CDH18: variants seen among roughly 807,000 people sequenced by gnomAD.
CDH18 encodes cadherin-18.
A neutral mutation model predicts 67.9 loss-of-function variants in CDH18; 31 were observed. The ratio of observed to expected loss-of-function variants is 0.46; its 90% CI spans 0.34 to 0.62. CDH18 has a LOEUF of 0.62. Ranked by LOEUF, CDH18 falls within the 20% of genes least tolerant of loss-of-function variation. The pLI, the probability that CDH18 is intolerant of heterozygous loss-of-function variation, is 0.01. For synonymous variants in CDH18, 362 were observed against 347.2 expected, an observed-to-expected ratio of 1.04 and a Z score of -0.48; for missense variants, 890 against 975.5, an observed-to-expected ratio of 0.91 and a Z score of 1.17.
At chr5:19,760,088 G>A (rs2387974) in intron 3 of CDH18, among the ~76,000 whole-genome samples, 102,736 of 151,976 alleles carry the variant, frequency 0.68, 40,206 homozygotes, top group South Asian at 0.87. Context: ...GCCACTTTGC[G>A]TCTGCTGTCC....
At chr5:20,334,433 G>A (rs1233914690) in intron 1 of CDH18, among the ~76,000 whole-genome samples, 4 of 151,838 alleles carry the variant, frequency 2.6e-5, no homozygotes, top group Non-Finnish European at 5.9e-5. Flanking sequence ...CACCGCGCCC[G>A]GCCTGACTTG....
rs1737808906 is a variant in CDH18, at chr5:19,473,100, C to T, written c.*126G>A. On this transcript the variant is annotated 3_prime_UTR_variant, in exon 13 of 13. Transcript: ENST00000382275. ...TCGATCATGAAAAGGGCACTTGTTT[C>T]TACAGGAGCTGTGTCCAGCTTCCTC... The T allele has an allele frequency of 2.8e-6, 3 of 1,061,526 alleles. No individual in the cohort carries two copies. The highest frequency in any genetic ancestry group is 4.0e-6 in the Non-Finnish European group (3 of 747,170). 65.8% of individuals were successfully genotyped at this position (1,061,526 alleles called of 1,614,324 possible).
At chr5:19,978,315 C>T (rs1798701717) in intron 2 of CDH18, among the ~76,000 whole-genome samples, 1 of 151,946 alleles carries the variant, frequency 6.6e-6, no homozygotes, top group South Asian at 2.1e-4. Flanking sequence ...GGAAACTAAC[C>T]TTTGGGTTTC....
chr5:19,856,459 T>C (rs1334496449), intron 2 of CDH18, among the ~76,000 whole-genome samples: 1 of 152,214 alleles, frequency 6.6e-6, no homozygotes, highest in East Asian at 1.9e-4. Flanking sequence ...ATTACACATC[T>C]TTCCAATATT....
intron 1 of CDH18, among the ~76,000 whole-genome samples, chr5:20,396,450 G>A (rs1425537617): frequency 1.3e-5 from 2 of 149,818 alleles, no homozygotes; most frequent in Non-Finnish European, 3.0e-5. Flanking sequence ...TTATTTCCTA[G>A]TAAAGGTCTT....
intron 2 of CDH18, among the ~76,000 whole-genome samples, chr5:20,249,329 C>T (rs1411320009): frequency 3.3e-5 from 5 of 150,842 alleles, no homozygotes; most frequent in African/African-American, 1.2e-4. Context: ...TAATTGCCTA[C>T]TAAACTTGGG....
At chr5:20,319,646 AGT>A (rs1489327653) in intron 1 of CDH18, among the ~76,000 whole-genome samples, 1 of 152,202 alleles carries the variant, frequency 6.6e-6, no homozygotes, top group Non-Finnish European at 1.5e-5. Context: ...GGCAGACAAG[AGT>A]GTCGAATTAA....
chr5:20,184,146 C>T (rs1166696056), intron 2 of CDH18, among the ~76,000 whole-genome samples: 1 of 151,948 alleles, frequency 6.6e-6, no homozygotes, highest in Non-Finnish European at 1.5e-5. Flanking sequence ...AATCTAGTGA[C>T]ATAAATCTTC....
chr5:19,694,303 G>C (rs1762267909), intron 5 of CDH18, among the ~76,000 whole-genome samples: 1 of 152,002 alleles, frequency 6.6e-6, no homozygotes, highest in Admixed American at 6.6e-5. Context: ...ATAGATAAAA[G>C]AGCCAATCTA....
intron 5 of CDH18, among the ~76,000 whole-genome samples, chr5:19,635,676 T>C (rs1280554648): frequency 6.6e-6 from 1 of 152,318 alleles, no homozygotes; most frequent in East Asian, 1.9e-4. Context: ...GCAGACTATA[T>C]GTTATTTCTC....
At position 20,506,213 on chromosome 5, in the gene CDH18, A is replaced by G. The variant is rs141103136; in HGVS notation, c.-580+69249T>C. ...CTCATGATCCCTGCCGCCTCTTCGTACCCTTGTATGAAGCCCTCAGGCAAC... is the reference window on the plus strand; with the variant it reads ...CTCATGATCCCTGCCGCCTCTTCGTGCCCTTGTATGAAGCCCTCAGGCAAC... On this transcript the variant is annotated intron_variant, in intron 1 of 14. Transcript: ENST00000507958. Among the ~76,000 whole-genome samples, 282 of 152,224 alleles carry G rather than the reference A, an allele frequency of 1.9e-3. 2 individuals carry two copies. The highest frequency in any genetic ancestry group is 6.5e-3 in the African/African-American group (272 of 41,540).
intron 11 of CDH18, among the ~76,000 whole-genome samples, chr5:19,496,235 T>G (rs1229588589): frequency 6.6e-6 from 1 of 152,178 alleles, no homozygotes; most frequent in South Asian, 2.1e-4. Context: ...AAACTGAAAC[T>G]AAACAAAACT....
At chr5:19,969,071 C>G (rs1300829965) in intron 2 of CDH18, among the ~76,000 whole-genome samples, 1 of 140,736 alleles carries the variant, frequency 7.1e-6, no homozygotes, top group Non-Finnish European at 1.5e-5. Flanking sequence ...GACATTTATG[C>G]AGCCAAAATA....
chr5:19,554,008 C>T lies in CDH18; in HGVS notation c.1254-10003G>A, dbSNP rs117887407. Among the ~76,000 whole-genome samples, 52 of 152,140 alleles carry T rather than the reference C, an allele frequency of 3.4e-4. 1 individual carries two copies. In the East Asian group the frequency reaches 9.9e-3, roughly 29 times the overall value. On this transcript the variant is annotated intron_variant, in intron 8 of 12. Transcript: ENST00000382275. The stretch of plus-strand genomic sequence containing the variant: ...TAGATTCACTTTACGAATTATGATT[C>T]CCTTTGTTAACATTGGGAATGCAAT...
At chr5:20,454,022 T>A (rs554682492) in intron 1 of CDH18, among the ~76,000 whole-genome samples, 2 of 152,258 alleles carry the variant, frequency 1.3e-5, no homozygotes, top group Non-Finnish European at 1.5e-5. Flanking sequence ...TGAAGAGGAA[T>A]AAATAGAATA....
intron 1 of CDH18, among the ~76,000 whole-genome samples, chr5:20,331,149 CTA>C (rs1739133449): frequency 6.6e-6 from 1 of 152,176 alleles, no homozygotes; most frequent in Non-Finnish European, 1.5e-5. Context: ...AATGATAGAT[CTA>C]TGTTTTCTTT....
intron 2 of CDH18, among the ~76,000 whole-genome samples, chr5:20,003,529 G>C (rs1207136633): frequency 6.6e-6 from 1 of 151,818 alleles, no homozygotes; most frequent in Non-Finnish European, 1.5e-5. Flanking sequence ...TCAATTATTT[G>C]TCTCTTCCCT....
At chr5:19,581,088 T>G (rs1409514866) in intron 7 of CDH18, among the ~76,000 whole-genome samples, 1 of 151,992 alleles carries the variant, frequency 6.6e-6, no homozygotes, top group Admixed American at 6.6e-5. Flanking sequence ...ATTGTTTATC[T>G]TCTCAGCCCT....
At chr5:19,998,797 T>C (rs540444112) in intron 2 of CDH18, among the ~76,000 whole-genome samples, 35 of 152,290 alleles carry the variant, frequency 2.3e-4, no homozygotes, top group African/African-American at 8.2e-4. Flanking sequence ...CAAGCTTAGA[T>C]AAATGAATCA....
Sources: gnomAD v4.1 joint callset for allele counts (sites outside exome capture counted in the v4.1 genomes callset) on GRCh38, gnomAD v4.1.1 for gene constraint, MANE v1.5 for transcripts, NCBI Gene and HGNC (gene_info 2026-07-23, HGNC 2026-07-21) for gene names.